The following NRG3 variants were observed in gnomAD, a reference collection of about 807,000 sequenced individuals.
NRG3 encodes pro-neuregulin-3, membrane-bound isoform.
NRG3 carries 31 observed loss-of-function variants against 66.9 expected under a neutral mutation model. The observed-to-expected ratio is 0.46, with a 90% CI of 0.35 to 0.63. The LOEUF is 0.63. Among genes scored for constraint, NRG3 ranks in the 20% least tolerant of loss-of-function variants. The pLI, the probability that NRG3 is intolerant of heterozygous loss-of-function variation, is 0.00. For missense variants in NRG3, 910 were observed against 878.9 expected (o/e 1.04, Z -0.45); for synonymous variants, 393 against 359.4 (o/e 1.09, Z -1.06).
Position 81,876,034 on chromosome 10 carries a change from T to C in NRG3, c.694T>C (p.Ser232Pro). Residue 232 changes from serine (S) to proline (P), a missense_variant, in exon 1 of 9, where the codon TCC (serine) becomes CCC (proline). Ser to Pro is a moderately conservative substitution (Grantham distance 74). Transcript: ENST00000372141. ...CTGGCCTACTGCGGCATACGCTACCTCCTCCTACCTTCACGATTCTACTCC... is the reference window on the plus strand; with the variant it reads ...CTGGCCTACTGCGGCATACGCTACCCCCTCCTACCTTCACGATTCTACTCC... ...PSWPTAAYAT[S>P]SYLHDSTPSW... is the part of the protein sequence containing the mutation. 1 of 1,613,932 alleles carries C rather than the reference T, an allele frequency of 6.2e-7. No individual in the cohort carries two copies. Among genetic ancestry groups the C allele is most frequent in the Non-Finnish European group, 8.5e-7 (1 of 1,180,006 alleles).
At chr10:82,423,961 G>C (rs575329475) in intron 2 of NRG3, among the ~76,000 whole-genome samples, 3 of 151,966 alleles carry the variant, frequency 2.0e-5, no homozygotes, top group Admixed American at 2.0e-4. Flanking sequence ...CCGTGTTGTA[G>C]CATGAAGTAC....
Position 82,866,473 on chromosome 10 carries a change from A to G in NRG3, c.1054+1036A>G, listed in dbSNP as rs112419661. Among the ~76,000 whole-genome samples the G allele has an allele frequency of 1.6e-3, 249 of 152,282 alleles. 2 individuals are homozygous for G. The highest frequency in any genetic ancestry group is 5.6e-3 in the African/African-American group (231 of 41,556). On this transcript the variant is annotated intron_variant, in intron 4 of 8. Coordinates refer to ENST00000372141, the MANE Select transcript of NRG3 (RefSeq NM_001010848.4). ...TTAGAAATTTGTGAAATGTCTTTAT[A>G]CCGGAATTGGTGTTCCCAGTTGTAT...
chr10:82,745,536 C>T (rs973188354), intron 3 of NRG3, among the ~76,000 whole-genome samples: 1 of 152,130 alleles, frequency 6.6e-6, no homozygotes, highest in Non-Finnish European at 1.5e-5. Flanking sequence ...AAATCTGTCA[C>T]TCTTATTACC....
At chr10:81,984,915 T>G (rs1427678856) in intron 1 of NRG3, among the ~76,000 whole-genome samples, 1 of 152,206 alleles carries the variant, frequency 6.6e-6, no homozygotes, top group East Asian at 1.9e-4. Flanking sequence ...AGTGAAAAAA[T>G]ACAAAACGGT....
At chr10:82,339,326 G>T (rs897106606) in intron 1 of NRG3, among the ~76,000 whole-genome samples, 9 of 152,156 alleles carry the variant, frequency 5.9e-5, no homozygotes, top group Admixed American at 5.2e-4. Context: ...AAGAAAAGAG[G>T]TTTAATTGAC....
intron 2 of NRG3, among the ~76,000 whole-genome samples, chr10:82,387,385 C>G (rs984852881): frequency 6.6e-6 from 1 of 152,142 alleles, no homozygotes; most frequent in Non-Finnish European, 1.5e-5. Context: ...TCCAGTTACT[C>G]ATGTAATGGC....
intron 1 of NRG3, among the ~76,000 whole-genome samples, chr10:81,904,490 A>G (rs182105535): frequency 6.6e-6 from 1 of 152,098 alleles, no homozygotes; most frequent in East Asian, 1.9e-4. Flanking sequence ...ATCTCCTTAG[A>G]CTTTACCTTT....
chr10:82,312,278 A>G (rs552089083), intron 1 of NRG3, among the ~76,000 whole-genome samples: 1 of 152,334 alleles, frequency 6.6e-6, no homozygotes, highest in Non-Finnish European at 1.5e-5. Flanking sequence ...GCGTTTCTGA[A>G]GAGGCCATTG....
At chr10:82,783,388 A>G (rs1190707430) in intron 3 of NRG3, among the ~76,000 whole-genome samples, 5 of 151,524 alleles carry the variant, frequency 3.3e-5, no homozygotes, top group Non-Finnish European at 7.4e-5. Context: ...AATAAAGGGT[A>G]TTCAATTAGG....
chr10:82,363,486 C>T (rs1057339848), intron 2 of NRG3, among the ~76,000 whole-genome samples: 6 of 152,226 alleles, frequency 3.9e-5, no homozygotes, highest in Admixed American at 2.6e-4. Context: ...GACGGAGTCT[C>T]GCTCTGTCAC....
intron 3 of NRG3, among the ~76,000 whole-genome samples, chr10:82,862,078 T>C (rs2064156557): frequency 2.0e-5 from 3 of 152,286 alleles, no homozygotes; most frequent in Admixed American, 6.5e-5. Context: ...TACTTACTTG[T>C]CCTGTGTGTA....
chr10:82,856,605 C>T (rs911986041), intron 3 of NRG3, among the ~76,000 whole-genome samples: 1 of 151,558 alleles, frequency 6.6e-6, no homozygotes, highest in Non-Finnish European at 1.5e-5. Context: ...ATTAGCTGGG[C>T]ATGGTGGCCG....
chr10:82,069,922 T>C (rs1419202169), intron 1 of NRG3, among the ~76,000 whole-genome samples: 5 of 152,176 alleles, frequency 3.3e-5, no homozygotes, highest in Admixed American at 6.5e-5. Flanking sequence ...GCCTCTCTTA[T>C]TAATAGTCTG....
intron 2 of NRG3, among the ~76,000 whole-genome samples, chr10:82,396,878 A>G (rs1564876206): frequency 6.6e-6 from 1 of 152,176 alleles, no homozygotes; most frequent in African/African-American, 2.4e-5. Flanking sequence ...GCAATGCTTT[A>G]TAGCTGCTGG....
intron 4 of NRG3, among the ~76,000 whole-genome samples, chr10:82,875,903 A>G (rs766099311): frequency 3.0e-4 from 45 of 152,238 alleles, no homozygotes; most frequent in Non-Finnish European, 5.3e-4. Flanking sequence ...ACACAAAGTC[A>G]TGACAACTAA....
At chr10:82,481,963 G>T (rs1842309149) in intron 2 of NRG3, among the ~76,000 whole-genome samples, 1 of 152,118 alleles carries the variant, frequency 6.6e-6, no homozygotes, top group African/African-American at 2.4e-5. Flanking sequence ...CTTCAGGCTG[G>T]GCAGTAGAGT....
intron 2 of NRG3, among the ~76,000 whole-genome samples, chr10:82,493,131 T>C (rs1335594044): frequency 6.6e-6 from 1 of 152,136 alleles, no homozygotes; most frequent in African/African-American, 2.4e-5. Context: ...ATTTCAATTT[T>C]TATTTTAAGT....
chr10:82,752,015 C>T (rs2058886213), intron 3 of NRG3, among the ~76,000 whole-genome samples: 1 of 152,024 alleles, frequency 6.6e-6, no homozygotes, highest in African/African-American at 2.4e-5. Flanking sequence ...ACATCAGGCA[C>T]TCAGGTAATT....
intron 1 of NRG3, among the ~76,000 whole-genome samples, chr10:82,184,505 G>C (rs2073668755): frequency 6.6e-6 from 1 of 152,098 alleles, no homozygotes; most frequent in African/African-American, 2.4e-5. Flanking sequence ...GCTCAAAGAA[G>C]TCAGAGGCCT....
Sources: allele counts gnomAD v4.1 joint callset (sites outside exome capture counted in the v4.1 genomes callset), GRCh38; gene constraint gnomAD v4.1.1; transcripts MANE v1.5; gene names NCBI Gene and HGNC (gene_info 2026-07-23, HGNC 2026-07-21).